PTPN9: variants seen among roughly 807,000 people sequenced by gnomAD.
PTPN9 encodes the protein tyrosine-protein phosphatase non-receptor type 9.
A neutral mutation model predicts 69.8 loss-of-function variants in PTPN9; 26 were observed. The observed-to-expected ratio is 0.37, with a 90% CI of 0.27 to 0.52. The LOEUF (loss-of-function observed/expected upper bound fraction) is 0.52. Among genes scored for constraint, PTPN9 ranks in the 20% least tolerant of loss-of-function variants. The pLI is 0.91. For synonymous variants in PTPN9, 274 were observed against 272.5 expected (o/e 1.01, Z -0.05); for missense variants, 549 against 740.3 (o/e 0.74, Z 3.00).
At chr15:75,533,019 C>T (rs1235918361) in intron 1 of PTPN9, among the ~76,000 whole-genome samples, 1 of 152,100 alleles carries the variant, frequency 6.6e-6, no homozygotes, top group Non-Finnish European at 1.5e-5. Flanking sequence ...AGTTTATTTC[C>T]TAGTGAAAGA....
chr15:75,517,145 A>G, intron 5 of PTPN9, 114 bp downstream of exon 5: 2 of 708,644 alleles, frequency 2.8e-6, no homozygotes, highest in Non-Finnish European at 4.6e-6. Context: ...TGACCTTTAC[A>G]TTGAACATAA....
intron 1 of PTPN9, among the ~76,000 whole-genome samples, chr15:75,550,798 A>G (rs1047428310): frequency 6.6e-6 from 1 of 151,976 alleles, no homozygotes; most frequent in Non-Finnish European, 1.5e-5. Context: ...AAATAAATAA[A>G]TAATAAAAAT....
chr15:75,511,476 G>A (rs751235698), intron 5 of PTPN9, among the ~76,000 whole-genome samples: 6 of 152,138 alleles, frequency 3.9e-5, no homozygotes, highest in Non-Finnish European at 8.8e-5. Context: ...AAACTACTGG[G>A]TTCAAGCAAT....
At chr15:75,490,340 AGTG>A in intron 7 of PTPN9, 39 bp from the exon 8 acceptor site, 1 of 1,422,038 alleles carries the variant, frequency 7.0e-7, no homozygotes, top group Non-Finnish European at 9.9e-7. Context: ...ATAAAGAAAA[AGTG>A]GGGACAGTAT....
intron 1 of PTPN9, among the ~76,000 whole-genome samples, chr15:75,530,676 ATATT>A (rs147521409): frequency 0.05 from 1,736 of 34,416 alleles, 435 homozygotes; most frequent in East Asian, 0.13. Context: ...ACTATTATAT[ATATT>A]ATTATATTAT....
intron 7 of PTPN9, among the ~76,000 whole-genome samples, chr15:75,503,568 C>T (rs2074788683): frequency 4.2e-5 from 4 of 94,598 alleles, no homozygotes; most frequent in African/African-American, 8.6e-5. Flanking sequence ...CCCCGCCCGG[C>T]CAGCCGCTCC....
chr15:75,520,016 G>A (rs2074894284), intron 4 of PTPN9, among the ~76,000 whole-genome samples: 1 of 152,148 alleles, frequency 6.6e-6, no homozygotes, highest in Non-Finnish European at 1.5e-5. Context: ...TGTGGTCCCA[G>A]CTCCTTGGGA....
chr15:75,527,257 G>C lies in PTPN9; in HGVS notation c.68C>G (p.Thr23Ser). 1 of 1,613,932 alleles carries C rather than the reference G, an allele frequency of 6.2e-7. No individual in the cohort carries two copies. The change falls in exon 2 of 13, where the codon ACC becomes AGC. Residue 23 changes from threonine to serine, a missense_variant. This residue lies in a region of PTPN9 where 62 missense variants were observed against 53.6 expected (regional missense o/e 1.16). Transcript: ENST00000618819. ...PELTPEEEQA[T>S]KQFLEEINKW... The stretch of plus-strand genomic sequence containing the variant: ...GTTAATCTCTTCGAGAAACTGCTTG[G>C]TAGCCTGTTTGACAAAGAAAGAAAG...
chr15:75,503,988 A>C (rs2074795042), intron 7 of PTPN9, among the ~76,000 whole-genome samples: 2 of 107,296 alleles, frequency 1.9e-5, no homozygotes, highest in Admixed American at 9.6e-5. Flanking sequence ...GGAAGTGAGG[A>C]GCCCCTCTGC....
chr15:75,559,057 C>T (rs1264599490), intron 1 of PTPN9, among the ~76,000 whole-genome samples: 21 of 149,656 alleles, frequency 1.4e-4, no homozygotes, highest in African/African-American at 2.9e-4. Context: ...CACCTCTTCC[C>T]GGCCGCCATC....
At chr15:75,534,568 G>A (rs977735259) in intron 1 of PTPN9, among the ~76,000 whole-genome samples, 53 of 151,872 alleles carry the variant, frequency 3.5e-4, no homozygotes, top group African/African-American at 1.2e-3. Flanking sequence ...CCAGCTACTC[G>A]GGGGGCTGAG....
In PTPN9 at chr15:75,468,919, G is replaced by T. The variant is rs1308356455; in HGVS notation, c.1632C>A (p.Phe544Leu). The T allele has an allele frequency of 2.5e-6, 4 of 1,614,208 alleles. No individual in the cohort carries two copies. In the African/African-American group the frequency reaches 5.3e-5, roughly 22 times the overall value. Residue 544 changes from phenylalanine (F) to leucine (L), a missense_variant, in exon 13 of 13, where the codon TTC becomes TTA. Around this residue, in one of 3 missense-constraint regions of PTPN9, gnomAD observed 457 missense variants for 661.9 expected, o/e 0.69. Coordinates refer to ENST00000618819, the MANE Select transcript of PTPN9 (RefSeq NM_002833.4). ...GGGTCCTCATGCGTGACACCGTCTG[G>T]AACACATTAAGGGTGCCAAGCTCCT... ...QLEELGTLNVFQTVSRMRTQR... is the reference protein window; with the variant it reads ...QLEELGTLNVLQTVSRMRTQR...
At chr15:75,544,737 TAA>T (rs1257570583) in intron 1 of PTPN9, among the ~76,000 whole-genome samples, 2 of 151,914 alleles carry the variant, frequency 1.3e-5, no homozygotes, top group Non-Finnish European at 2.9e-5. Context: ...AAGAAACCTG[TAA>T]AGTCTTTCTG....
intron 1 of PTPN9, among the ~76,000 whole-genome samples, chr15:75,550,536 C>G (rs1044362407): frequency 6.6e-6 from 1 of 151,096 alleles, no homozygotes; most frequent in Admixed American, 6.6e-5. Flanking sequence ...GCCTGTAATC[C>G]CAGCACTTTG....
At chr15:75,489,091 C>G (rs570095824) in intron 8 of PTPN9, among the ~76,000 whole-genome samples, 1 of 143,682 alleles carries the variant, frequency 7.0e-6, no homozygotes, top group Non-Finnish European at 1.5e-5. Context: ...AGGAGAATGG[C>G]GTGAACCTGG....
At chr15:75,556,036 CAAAAAAAAA>C (rs75583219) in intron 1 of PTPN9, among the ~76,000 whole-genome samples, 2 of 43,284 alleles carry the variant, frequency 4.6e-5, no homozygotes, top group South Asian at 9.5e-4. Flanking sequence ...ACCCCCGTCT[CAAAAAAAAA>C]AAAAAAAAAA....
intron 7 of PTPN9, among the ~76,000 whole-genome samples, chr15:75,490,726 G>A (rs757166372): frequency 2.6e-5 from 4 of 152,074 alleles, no homozygotes; most frequent in Non-Finnish European, 4.4e-5. Flanking sequence ...CTGGGTTCAC[G>A]CCATTCTCCT....
chr15:75,567,206 C>T (rs924235486), intron 1 of PTPN9, among the ~76,000 whole-genome samples: 4 of 151,862 alleles, frequency 2.6e-5, no homozygotes, highest in South Asian at 2.1e-4. Context: ...TTAGTAGAGA[C>T]GGGGTTTTGC....
chr15:75,525,848 C>G (rs1445594570), intron 2 of PTPN9, among the ~76,000 whole-genome samples: 1 of 151,684 alleles, frequency 6.6e-6, no homozygotes, highest in African/African-American at 2.4e-5. Context: ...CACTTGAGCT[C>G]AGGAGGCAGA....
Sources: allele counts gnomAD v4.1 joint callset (sites outside exome capture counted in the v4.1 genomes callset), GRCh38; gene constraint gnomAD v4.1.1; regional missense constraint gnomAD v4.1.1; transcripts MANE v1.5; gene names NCBI Gene and HGNC (gene_info 2026-07-23, HGNC 2026-07-21).